The following ST3GAL5 variants were observed in gnomAD, a reference collection of about 807,000 sequenced individuals.
ST3GAL5 encodes the protein lactosylceramide alpha-2,3-sialyltransferase.
Under a neutral mutation model 46.1 loss-of-function variants are expected in ST3GAL5, and 25 were observed. The observed-to-expected ratio is 0.54, with a 90% confidence interval of 0.40 to 0.76. The LOEUF (loss-of-function observed/expected upper bound fraction) is 0.76. Ranked by LOEUF, ST3GAL5 falls within the 30% of genes least tolerant of loss-of-function variation. ST3GAL5 has a pLI of 0.00. For synonymous variants in ST3GAL5, 182 were observed against 192.7 expected (o/e 0.94, Z 0.46); for missense variants, 431 against 521.2 (o/e 0.83, Z 1.69).
chr2:85,862,336 T>C (rs1183120808), intron 2 of ST3GAL5, among the ~76,000 whole-genome samples: 1 of 152,050 alleles, frequency 6.6e-6, no homozygotes, highest in African/African-American at 2.4e-5. Context: ...CTGGTTATCT[T>C]TAAATATGGA....
At chr2:85,876,945 G>T (rs767028000) in intron 1 of ST3GAL5, among the ~76,000 whole-genome samples, 5 of 152,154 alleles carry the variant, frequency 3.3e-5, no homozygotes, top group Admixed American at 6.5e-5. Context: ...ACTTTATCTT[G>T]AAATAATTTC....
At chr2:85,855,835 AG>A (rs1684036715) in intron 3 of ST3GAL5, 1 of 152,236 alleles carries the variant, frequency 6.6e-6, no homozygotes, top group Admixed American at 6.5e-5. Context: ...GGTCAATGAG[AG>A]CACATGGGAA....
chr2:85,846,682 G>A (rs1682830733), intron 4 of ST3GAL5, 119 bp from the exon 5 acceptor site: 11 of 973,282 alleles, frequency 1.1e-5, no homozygotes, highest in Non-Finnish European at 1.8e-5. Flanking sequence ...ATGAGTGCAT[G>A]GTTTGCAGCC....
chr2:85,881,903 T>C (rs986464956), intron 1 of ST3GAL5, among the ~76,000 whole-genome samples: 3 of 152,358 alleles, frequency 2.0e-5, no homozygotes, highest in East Asian at 3.9e-4. Context: ...CTCCAGGCAA[T>C]GTGAGAGACC....
chr2:85,882,689 C>T (rs553667518), intron 1 of ST3GAL5, among the ~76,000 whole-genome samples: 24 of 151,840 alleles, frequency 1.6e-4, no homozygotes, highest in African/African-American at 4.8e-4. Flanking sequence ...AAAAATTAGC[C>T]GGATGTGGTG....
intron 2 of ST3GAL5, among the ~76,000 whole-genome samples, chr2:85,863,061 TA>T (rs1684892077): frequency 6.6e-6 from 1 of 152,190 alleles, no homozygotes; most frequent in South Asian, 2.1e-4. Flanking sequence ...CCTCTTTTGT[TA>T]AATAAGGGCA....
At chr2:85,879,025 C>T (rs1686877174) in intron 1 of ST3GAL5, among the ~76,000 whole-genome samples, 1 of 152,082 alleles carries the variant, frequency 6.6e-6, no homozygotes, top group African/African-American at 2.4e-5. Context: ...GAACAGTGGG[C>T]AGAAGACGCA....
At chr2:85,882,285 TGG>T (rs1687245807) in intron 1 of ST3GAL5, among the ~76,000 whole-genome samples, 1 of 152,180 alleles carries the variant, frequency 6.6e-6, no homozygotes, top group Admixed American at 6.5e-5. Context: ...GAGTCCCTAC[TGG>T]GGCACTACCT....
Position 85,861,252 on chromosome 2 carries a change from G to C in ST3GAL5, c.247C>G (p.Leu83Val). The C allele has an allele frequency of 2.5e-6, 4 of 1,613,212 alleles. No individual in the cohort carries two copies. Among genetic ancestry groups the C allele is most frequent in the Non-Finnish European group, 3.4e-6 (4 of 1,179,596 alleles). Residue 83 changes from leucine (L) to valine (V), a missense_variant, in exon 3 of 7, where the codon CTC becomes GTC. By Grantham distance (32) the Leu-to-Val change is conservative. Coordinates refer to ENST00000638572, the MANE Select transcript of ST3GAL5 (RefSeq NM_003896.4). ...TCTTCAGTAGTATAATTTAACTTGA[G>C]GATATAAAGGATCCACACTCCAAAC... ...LVFGVWILYILKLNYTTEECD... is the reference protein window; with the variant it reads ...LVFGVWILYIVKLNYTTEECD...
intron 3 of ST3GAL5, chr2:85,851,619 A>G (rs1558661039): frequency 7.8e-7 from 1 of 1,289,426 alleles, no homozygotes; most frequent in Non-Finnish European, 1.0e-6. Context: ...CATCTGCTTC[A>G]GCTGCTCTCT....
intron 4 of ST3GAL5, chr2:85,847,368 G>T: frequency 2.0e-6 from 2 of 995,210 alleles, no homozygotes; most frequent in Non-Finnish European, 2.4e-6. Context: ...CTCTGACAAG[G>T]TTCTGCCACT....
chr2:85,862,584 T>G (rs1322056523), intron 2 of ST3GAL5, among the ~76,000 whole-genome samples: 1 of 152,004 alleles, frequency 6.6e-6, no homozygotes, highest in Non-Finnish European at 1.5e-5. Context: ...CTGGAGCGAG[T>G]CCACCTCACC....
intron 1 of ST3GAL5, chr2:85,866,303 A>G (rs1468008240): frequency 6.6e-6 from 1 of 152,238 alleles, no homozygotes; most frequent in Non-Finnish European, 1.5e-5. Context: ...CCAGACTTTC[A>G]TTCTCAACCC....
chr2:85,871,912 G>A (rs1026352130), intron 1 of ST3GAL5, among the ~76,000 whole-genome samples: 5 of 152,226 alleles, frequency 3.3e-5, no homozygotes, highest in African/African-American at 1.2e-4. Flanking sequence ...AGTGGACTGT[G>A]TGGGAAGGCA....
At chr2:85,867,574 T>C (rs1573668727) in intron 1 of ST3GAL5, 1 of 780,878 alleles carries the variant, frequency 1.3e-6, no homozygotes. Context: ...GAATCCAGTT[T>C]CTCAGAAAGA....
intron 3 of ST3GAL5, among the ~76,000 whole-genome samples, chr2:85,856,822 C>T (rs934350388): frequency 8.6e-5 from 13 of 151,562 alleles, no homozygotes; most frequent in Non-Finnish European, 7.4e-5. Context: ...CTTCCTGCCT[C>T]GGCCTCCCAA....
chr2:85,861,055 G>C (rs1427708169), intron 3 of ST3GAL5, 126 bp downstream of exon 3: 5 of 741,614 alleles, frequency 6.7e-6, no homozygotes, highest in South Asian at 1.5e-5. Flanking sequence ...CTGAGATTAA[G>C]TGCTTTCCCC....
intron 1 of ST3GAL5, 82 bp downstream of exon 1, chr2:85,888,742 C>T: frequency 7.5e-6 from 8 of 1,066,914 alleles, no homozygotes; most frequent in Non-Finnish European, 9.3e-6. Context: ...CGCGCCCAGC[C>T]GGCCCGGGAA....
Position 85,878,781 on chromosome 2 carries a change from C to T in ST3GAL5, c.82+10043G>A, listed in dbSNP as rs77757088. On this transcript the variant is annotated intron_variant, in intron 1 of 6. Transcript: ENST00000638572. ...CAAATACTCGAAATACCAAATAACG[C>T]TGTGATAGAGGAGCTACAGTAGACC... Among the ~76,000 whole-genome samples the T allele has an allele frequency of 9.9e-4, 150 of 152,232 alleles. 1 individual carries two copies. Among genetic ancestry groups the T allele is most frequent in the African/African-American group, 3.3e-3 (139 of 41,546 alleles).
Sources: allele counts gnomAD v4.1 joint callset (sites outside exome capture counted in the v4.1 genomes callset), GRCh38; gene constraint gnomAD v4.1.1; transcripts MANE v1.5; gene names NCBI Gene and HGNC (gene_info 2026-07-23, HGNC 2026-07-21).